CRADD: variants seen among roughly 807,000 people sequenced by gnomAD.
The protein encoded by CRADD is death domain-containing protein CRADD.
A neutral mutation model predicts 15.5 loss-of-function variants in CRADD; 9 were observed. The observed-to-expected ratio is 0.58, with a 90% CI of 0.35 to 1.01. The LOEUF is 1.01. Among genes scored for constraint, CRADD ranks in the 50% least tolerant of loss-of-function variants. The pLI is 0.02. For synonymous variants in CRADD, 118 were observed against 107.6 expected, an observed-to-expected ratio of 1.10 and a Z score of -0.60; for missense variants, 227 against 250.3, an observed-to-expected ratio of 0.91 and a Z score of 0.63.
At chr12:93,761,226 T>C (rs960712125) in intron 2 of CRADD, among the ~76,000 whole-genome samples, 4 of 152,188 alleles carry the variant, frequency 2.6e-5, no homozygotes, top group Non-Finnish European at 5.9e-5. Context: ...CTGATTACAC[T>C]GGGAAGCTTT....
chr12:93,808,371 C>A (rs905516891), intron 2 of CRADD, among the ~76,000 whole-genome samples: 4 of 152,070 alleles, frequency 2.6e-5, no homozygotes, highest in African/African-American at 9.7e-5. Flanking sequence ...AGGGGAACTC[C>A]CATTTATAAA....
intron 2 of CRADD, among the ~76,000 whole-genome samples, chr12:93,784,884 G>C (rs1957259961): frequency 6.6e-6 from 1 of 152,162 alleles, no homozygotes; most frequent in African/African-American, 2.4e-5. Context: ...TAAATAAAAA[G>C]TCGATTCTTC....
At chr12:93,754,754 T>C (rs1261190627) in intron 2 of CRADD, among the ~76,000 whole-genome samples, 1 of 152,194 alleles carries the variant, frequency 6.6e-6, no homozygotes, top group African/African-American at 2.4e-5. Flanking sequence ...AGTTCCAAAC[T>C]TTCTCACATC....
At chr12:93,799,651 A>G (rs1957456319) in intron 2 of CRADD, among the ~76,000 whole-genome samples, 1 of 152,244 alleles carries the variant, frequency 6.6e-6, no homozygotes, top group East Asian at 1.9e-4. Flanking sequence ...ACTTGAGATC[A>G]TGAGAACAAA....
intron 2 of CRADD, among the ~76,000 whole-genome samples, chr12:93,769,786 G>C (rs1237330440): frequency 3.9e-5 from 6 of 152,170 alleles, no homozygotes; most frequent in African/African-American, 1.4e-4. Flanking sequence ...GATGTCTTTT[G>C]GGTGGGCATG....
intron 2 of CRADD, among the ~76,000 whole-genome samples, chr12:93,687,833 G>T (rs577478363): frequency 2.5e-4 from 38 of 152,318 alleles, no homozygotes; most frequent in African/African-American, 9.1e-4. Context: ...AGGGGGTGAT[G>T]CTGCTACCAA....
chr12:93,683,447 C>T (rs1955364691), intron 2 of CRADD, among the ~76,000 whole-genome samples: 1 of 152,246 alleles, frequency 6.6e-6, no homozygotes, highest in Non-Finnish European at 1.5e-5. Flanking sequence ...AGCTCGGTGC[C>T]TCCGGCATCA....
In CRADD at chr12:93,858,809, GGGGTCCT is replaced by G. The variant is rs1199548280; in HGVS notation, c.299-35240_299-35234del. Among the ~76,000 whole-genome samples, 9 of 152,334 alleles carry G rather than the reference GGGGTCCT, an allele frequency of 5.9e-5. No homozygotes were observed. The East Asian group carries it at 1.7e-3, about 29-fold the overall frequency. ...AAGAAACTAAGACCCTCATCCCAGAGGGGTCCTACCCCATACCTGGGAGGAAGGAATG... is the reference window on the plus strand; with the variant it reads ...AAGAAACTAAGACCCTCATCCCAGAGACCCCATACCTGGGAGGAAGGAATG... On this transcript the variant is annotated intron_variant, in intron 2 of 2. Coordinates refer to the CRADD transcript ENST00000548483.
chr12:93,870,616 G>T (rs958470031), intron 2 of CRADD, among the ~76,000 whole-genome samples: 1 of 152,180 alleles, frequency 6.6e-6, no homozygotes, highest in East Asian at 1.9e-4. Flanking sequence ...GCAGCCAAGA[G>T]TACTGGGGCT....
intron 2 of CRADD, among the ~76,000 whole-genome samples, chr12:93,832,063 T>TC (rs1421777299): frequency 4.6e-5 from 7 of 152,190 alleles, no homozygotes; most frequent in Non-Finnish European, 1.0e-4. Context: ...ATGATTGATT[T>TC]TTTTAACTTG....
chr12:93,827,635 C>T (rs1957838723), intron 2 of CRADD, among the ~76,000 whole-genome samples: 1 of 152,154 alleles, frequency 6.6e-6, no homozygotes, highest in South Asian at 2.1e-4. Context: ...ACTACCAAAT[C>T]ATTTTCCAAA....
chr12:93,880,959 C>G (rs1958495265), intron 2 of CRADD, among the ~76,000 whole-genome samples: 1 of 152,212 alleles, frequency 6.6e-6, no homozygotes, highest in South Asian at 2.1e-4. Context: ...CACTAGGCAG[C>G]TTGTTTAGCC....
chr12:93,691,374 C>T (rs1050836656), intron 2 of CRADD, among the ~76,000 whole-genome samples: 1 of 151,950 alleles, frequency 6.6e-6, no homozygotes, highest in Non-Finnish European at 1.5e-5. Flanking sequence ...CTGCCTCAGC[C>T]TTCCGAGTAG....
intron 2 of CRADD, among the ~76,000 whole-genome samples, chr12:93,828,669 T>G (rs1201999788): frequency 6.6e-6 from 1 of 152,252 alleles, no homozygotes; most frequent in Non-Finnish European, 1.5e-5. Flanking sequence ...ATTTCTGAAC[T>G]TTCTCCTGTT....
downstream of CRADD, among the ~76,000 whole-genome samples, chr12:93,855,000 G>T (rs896443804): frequency 6.6e-6 from 1 of 152,024 alleles, no homozygotes; most frequent in Admixed American, 6.6e-5. Context: ...TTCGAGACCA[G>T]CCTGGGGAAC....
chr12:93,776,417 T>G (rs899262141), intron 2 of CRADD, among the ~76,000 whole-genome samples: 2 of 152,212 alleles, frequency 1.3e-5, no homozygotes, highest in Non-Finnish European at 2.9e-5. Context: ...TTTAAAATTT[T>G]GATAGATATT....
chr12:93,684,715 G>GGTC (rs1475862946), intron 2 of CRADD, among the ~76,000 whole-genome samples: 5 of 152,200 alleles, frequency 3.3e-5, no homozygotes, highest in Middle Eastern at 3.2e-3. Flanking sequence ...GTGTGGTGGT[G>GGTC]GGGGTGGTCA....
chr12:93,859,566 C>T (rs1205069169), intron 2 of CRADD: 2 of 313,526 alleles, frequency 6.4e-6, no homozygotes, highest in Non-Finnish European at 1.3e-5. Flanking sequence ...TGAAGAATAA[C>T]TCAAAGGAAA....
chr12:93,853,505 A>G (rs991536716), downstream of CRADD, among the ~76,000 whole-genome samples: 28 of 152,222 alleles, frequency 1.8e-4, no homozygotes, highest in African/African-American at 6.8e-4. Context: ...AAGTATAGCA[A>G]TGTCTTTCAC....
Sources: allele counts gnomAD v4.1 joint callset (sites outside exome capture counted in the v4.1 genomes callset), GRCh38; gene constraint gnomAD v4.1.1; transcripts MANE v1.5; gene names NCBI Gene and HGNC (gene_info 2026-07-23, HGNC 2026-07-21).